DNAJB11: variants seen among roughly 807,000 people sequenced by gnomAD.
The protein encoded by DNAJB11 is dnaJ homolog subfamily B member 11.
Under a neutral mutation model 47.2 loss-of-function variants are expected in DNAJB11, and 30 were observed. The ratio of observed to expected loss-of-function variants is 0.64; its 90% CI spans 0.48 to 0.86. The LOEUF (loss-of-function observed/expected upper bound fraction) is 0.86. Ranked by LOEUF, DNAJB11 falls within the 40% of genes least tolerant of loss-of-function variation. DNAJB11 has a pLI of 0.00. For synonymous variants in DNAJB11, 151 were observed against 159.9 expected (o/e 0.94, Z 0.42); for missense variants, 357 against 440.2 (o/e 0.81, Z 1.69).
At position 186,579,245 on chromosome 3, in the gene DNAJB11, T is replaced by G. The variant is rs80155643; in HGVS notation, c.456+1445T>G. 1.6e-4 allele frequency: 25 copies of G among 152,384 alleles called. No homozygotes were observed. In the East Asian group the frequency reaches 4.2e-3, roughly 26 times the overall value. The allele number at this position is 152,384 out of a possible 1,614,324, so 9.4% of individuals were successfully genotyped here. A position where few individuals can be genotyped will look rare whatever the true frequency, so the allele number is the denominator to read the frequency against. On this transcript the variant is annotated intron_variant, in intron 4 of 9. Coordinates refer to ENST00000265028, the MANE Select transcript of DNAJB11 (RefSeq NM_016306.6). The stretch of plus-strand genomic sequence containing the variant: ...CAATTCTATCACTCCTACTTCTGTC[T>G]GCTCTTAACTTTCTTTTAAATACAA...
chr3:186,577,805 G>C lies in DNAJB11; in HGVS notation c.456+5G>C. On this transcript the variant is annotated splice_donor_5th_base_variant and intron_variant, in intron 4 of 9. Coordinates refer to ENST00000265028, the MANE Select transcript of DNAJB11 (RefSeq NM_016306.6). ...TATGCAGGAAATTTTGTGGAAGTAA[G>C]TTCAAACAATATAGCTGTTCATATT... is the stretch of plus-strand genomic sequence containing the variant. 2 of 1,597,420 alleles carry C rather than the reference G, an allele frequency of 1.3e-6. No individual in the cohort carries two copies. Among genetic ancestry groups the C allele is most frequent in the Non-Finnish European group, 1.7e-6 (2 of 1,173,908 alleles).
chr3:186,578,662 A>C (rs540414033), intron 4 of DNAJB11: 1 of 152,112 alleles, frequency 6.6e-6, no homozygotes, highest in Non-Finnish European at 1.5e-5. Context: ...TTTATTGGCC[A>C]TATTTGTTTC....
chr3:186,577,295 A>C (rs1351618452), intron 3 of DNAJB11, among the ~76,000 whole-genome samples: 1 of 152,182 alleles, frequency 6.6e-6, no homozygotes, highest in Non-Finnish European at 1.5e-5. Context: ...TATGTATACT[A>C]TACTCTTTCT....
intron 8 of DNAJB11, 143 bp from the exon 9 acceptor site, chr3:186,584,287 C>A: frequency 1.2e-6 from 1 of 818,880 alleles, no homozygotes; most frequent in Non-Finnish European, 1.8e-6. Context: ...CTCACATTGT[C>A]TTAATGGTAT....
At chr3:186,577,874 A>C in intron 4 of DNAJB11, 74 bp downstream of exon 4, 1 of 1,291,302 alleles carries the variant, frequency 7.7e-7, no homozygotes, top group South Asian at 1.6e-5. Context: ...AGAGGTTTAT[A>C]TGTACCTTCT....
At chr3:186,584,889 G>T (rs1578997745) in intron 9 of DNAJB11, among the ~76,000 whole-genome samples, 1 of 152,128 alleles carries the variant, frequency 6.6e-6, no homozygotes, top group East Asian at 1.9e-4. Flanking sequence ...ACTGTAAAAG[G>T]GAAGATGAGG....
At chr3:186,581,578 C>T in intron 5 of DNAJB11, 65 bp downstream of exon 5, 1 of 1,559,816 alleles carries the variant, frequency 6.4e-7, no homozygotes, top group Non-Finnish European at 8.7e-7. Context: ...TCTAGTCAAA[C>T]ACTAATGGTC....
At chr3:186,582,139 A>G (rs1715509582) in intron 6 of DNAJB11, 62 bp downstream of exon 6, 4 of 1,256,908 alleles carry the variant, frequency 3.2e-6, no homozygotes, top group Admixed American at 1.8e-5. Context: ...TTGTTTGTGA[A>G]TACCTTTCAC....
intron 5 of DNAJB11, among the ~76,000 whole-genome samples, chr3:186,581,754 C>T (rs1715492960): frequency 1.3e-5 from 2 of 151,990 alleles, no homozygotes; most frequent in Non-Finnish European, 2.9e-5. Flanking sequence ...AGTATTAATG[C>T]TTCATTTTCT....
chr3:186,573,416 G>T (rs1172337639), intron 2 of DNAJB11, among the ~76,000 whole-genome samples: 1 of 151,844 alleles, frequency 6.6e-6, no homozygotes, highest in African/African-American at 2.4e-5. Context: ...ACAGAGTCTC[G>T]CTCTGTCTGC....
At chr3:186,582,980 A>G (rs1715538610) in intron 7 of DNAJB11, among the ~76,000 whole-genome samples, 1 of 152,238 alleles carries the variant, frequency 6.6e-6, no homozygotes, top group South Asian at 2.1e-4. Context: ...AAAAATGCAA[A>G]AGATGTTGAA....
At position 186,583,969 on chromosome 3, in the gene DNAJB11, G is replaced by C. The variant is rs1055320772; in HGVS notation, c.845G>C (p.Gly282Ala). 1 of 1,611,002 alleles carries C rather than the reference G, an allele frequency of 6.2e-7. No homozygotes were observed. Among genetic ancestry groups the C allele is most frequent in the Non-Finnish European group, 8.5e-7 (1 of 1,177,310 alleles). Residue 282 changes from glycine (G) to alanine (A), a missense_variant, in exon 8 of 10, where the codon GGT becomes GCT. Physicochemically the swap from Gly to Ala is moderately conservative, Grantham distance 60 (BLOSUM62 0). Coordinates refer to ENST00000265028, the MANE Select transcript of DNAJB11 (RefSeq NM_016306.6). The stretch of plus-strand genomic sequence containing the variant: ...GAGATGGATATTACTCACTTGGATG[G>C]TCACAAGGTAAACAAACCAATTTAC... ...GFEMDITHLD[G>A]HKVHISRDKI...
rs541579738 is a variant in DNAJB11, at chr3:186,572,534, G to T, written c.225+283G>T. Among the ~76,000 whole-genome samples, 24 of 152,254 alleles carry T rather than the reference G, an allele frequency of 1.6e-4. No individual in the cohort carries two copies. In the East Asian group the frequency reaches 4.4e-3, roughly 28 times the overall value. On this transcript the variant is annotated intron_variant, in intron 2 of 9. Transcript: ENST00000265028. ...TTTTTGTATTTTTAGTAGAGACAGG[G>T]TTTCACCCTGTTGGCCAGGCTAGTC...
intron 2 of DNAJB11, among the ~76,000 whole-genome samples, chr3:186,575,206 CAT>C (rs59929716): frequency 6.6e-6 from 1 of 151,464 alleles, no homozygotes; most frequent in Non-Finnish European, 1.5e-5. Flanking sequence ...CAAACTTAAA[CAT>C]ATATATATAT....
At chr3:186,584,202 T>A (rs1260408055) in intron 8 of DNAJB11, among the ~76,000 whole-genome samples, 1 of 152,236 alleles carries the variant, frequency 6.6e-6, no homozygotes, top group Non-Finnish European at 1.5e-5. Context: ...CCTTATAGTT[T>A]CTATTGACGA....
rs370017202 is a variant in DNAJB11, at chr3:186,583,997, G to A, written c.852+21G>A. The A allele has an allele frequency of 1.9e-4, 291 of 1,547,238 alleles. 1 individual carries two copies. Among genetic ancestry groups the A allele is most frequent in the Non-Finnish European group, 2.4e-4 (270 of 1,120,324 alleles). ...ACAAGGTAAACAAACCAATTTACTC[G>A]TTCTGCATCCTTTTGAAGCCTTTAT... On this transcript the variant is annotated intron_variant, in intron 8 of 9. Transcript: ENST00000265028.
intron 3 of DNAJB11, 145 bp downstream of exon 3, chr3:186,576,082 T>G: frequency 1.7e-6 from 1 of 601,186 alleles, no homozygotes; most frequent in East Asian, 2.9e-5. Context: ...GTCCTCCCTG[T>G]GGGAAGATAG....
Position 186,584,445 on chromosome 3 carries a change from G to C in DNAJB11, c.868G>C (p.Asp290His). 6.4e-7 allele frequency: 1 copy of C among 1,557,664 alleles called. No individual in the cohort carries two copies. Among genetic ancestry groups the C allele is most frequent in the Non-Finnish European group, 8.6e-7 (1 of 1,159,976 alleles). The change falls in exon 9 of 10, where the codon GAT becomes CAT. Residue 290 changes from aspartate (D) to histidine (H), a missense_variant. Coordinates refer to ENST00000265028, the MANE Select transcript of DNAJB11 (RefSeq NM_016306.6). The part of the protein sequence containing the change: ...LDGHKVHISR[D>H]KITRPGAKLW... ...GGTTTTCTAGGTACATATTTCCCGG[G>C]ATAAGATCACCAGGCCAGGAGCGAA...
chr3:186,581,166 C>A, intron 4 of DNAJB11: 1 of 475,692 alleles, frequency 2.1e-6, no homozygotes, highest in Non-Finnish European at 3.7e-6. Flanking sequence ...GAATTTGAGT[C>A]ATTTAAGTAT....
Sources: allele counts gnomAD v4.1 joint callset (sites outside exome capture counted in the v4.1 genomes callset), GRCh38; gene constraint gnomAD v4.1.1; transcripts MANE v1.5; gene names NCBI Gene and HGNC (gene_info 2026-07-23, HGNC 2026-07-21).